The following DLGAP1 variants were observed in gnomAD, a reference collection of about 807,000 sequenced individuals.
The protein encoded by DLGAP1 is disks large-associated protein 1.
Under a neutral mutation model 90.8 loss-of-function variants are expected in DLGAP1, and 11 were observed. The ratio of observed to expected loss-of-function variants is 0.12; its 90% confidence interval spans 0.08 to 0.20. DLGAP1 has a LOEUF of 0.20. Ranked by LOEUF, DLGAP1 falls within the 10% of genes least tolerant of loss-of-function variation. The pLI is 1.00. For synonymous variants in DLGAP1, 558 were observed against 540.7 expected, an observed-to-expected ratio of 1.03 and a Z score of -0.44; for missense variants, 1,050 against 1,333.8, an observed-to-expected ratio of 0.79 and a Z score of 3.31.
chr18:3,744,072 A>G (rs2063168760), intron 5 of DLGAP1, among the ~76,000 whole-genome samples: 1 of 152,226 alleles, frequency 6.6e-6, no homozygotes, highest in Non-Finnish European at 1.5e-5. Flanking sequence ...GTTGATAGGG[A>G]AAAAGATGTA....
At chr18:3,978,924 G>A (rs1326439461) in intron 3 of DLGAP1, among the ~76,000 whole-genome samples, 1 of 152,164 alleles carries the variant, frequency 6.6e-6, no homozygotes. Context: ...CGTGGAAAGT[G>A]TACGTAGGTA....
chr18:3,733,703 C>T (rs2147519312), intron 6 of DLGAP1, among the ~76,000 whole-genome samples: 1 of 152,272 alleles, frequency 6.6e-6, no homozygotes, highest in South Asian at 2.1e-4. Context: ...TAGTACATTT[C>T]TCAGAATGTG....
intron 3 of DLGAP1, among the ~76,000 whole-genome samples, chr18:3,906,248 A>G (rs1055001536): frequency 6.6e-6 from 1 of 152,206 alleles, no homozygotes; most frequent in Non-Finnish European, 1.5e-5. Context: ...AGAAACCAGA[A>G]TGTCTTCACT....
At chr18:3,988,046 C>A (rs973935082) in intron 3 of DLGAP1, among the ~76,000 whole-genome samples, 1 of 151,992 alleles carries the variant, frequency 6.6e-6, no homozygotes, top group Admixed American at 6.6e-5. Flanking sequence ...AATAATTGTA[C>A]AACTCACCAT....
At chr18:3,740,880 C>T (rs1199195212) in intron 6 of DLGAP1, among the ~76,000 whole-genome samples, 2 of 149,416 alleles carry the variant, frequency 1.3e-5, no homozygotes, top group Non-Finnish European at 3.0e-5. Context: ...ACCACCGTCA[C>T]CATCACAACC....
intron 1 of DLGAP1, among the ~76,000 whole-genome samples, chr18:4,205,552 G>A (rs2144843567): frequency 6.6e-6 from 1 of 152,294 alleles, no homozygotes; most frequent in South Asian, 2.1e-4. Context: ...GCATGCAGTG[G>A]TGTGATCACA....
chr18:3,917,030 G>A (rs9962899), intron 3 of DLGAP1, among the ~76,000 whole-genome samples: 34,730 of 152,096 alleles, frequency 0.23, 5,163 homozygotes, highest in African/African-American at 0.43. Flanking sequence ...ATACTCAGCA[G>A]ATTACATGAG....
chr18:4,320,309 T>G (rs1454304185), intron 1 of DLGAP1, among the ~76,000 whole-genome samples: 1 of 152,178 alleles, frequency 6.6e-6, no homozygotes, highest in Non-Finnish European at 1.5e-5. Context: ...TGAGTTCCCT[T>G]TTTGTTTCTA....
intron 1 of DLGAP1, among the ~76,000 whole-genome samples, chr18:4,216,093 A>C (rs924403736): frequency 6.6e-6 from 1 of 152,156 alleles, no homozygotes; most frequent in African/African-American, 2.4e-5. Flanking sequence ...ATTGACTAAC[A>C]GTTCAGCATG....
chr18:4,362,079 AT>A (rs1470397852), intron 1 of DLGAP1, among the ~76,000 whole-genome samples: 7 of 152,198 alleles, frequency 4.6e-5, no homozygotes, highest in Non-Finnish European at 7.4e-5. Context: ...ATAACATAAA[AT>A]AACAAGTGTT....
intron 1 of DLGAP1, among the ~76,000 whole-genome samples, chr18:4,218,895 A>G (rs1445941847): frequency 6.6e-6 from 1 of 151,840 alleles, no homozygotes; most frequent in Non-Finnish European, 1.5e-5. Context: ...ACTTAGGTTG[A>G]TTCACATCCT....
At chr18:4,355,169 T>C (rs1440160831) in intron 1 of DLGAP1, among the ~76,000 whole-genome samples, 1 of 152,200 alleles carries the variant, frequency 6.6e-6, no homozygotes, top group Non-Finnish European at 1.5e-5. Flanking sequence ...CCCAAGAATC[T>C]GTACACAAAT....
At chr18:4,253,013 C>A (rs2078815149) in intron 1 of DLGAP1, among the ~76,000 whole-genome samples, 1 of 152,172 alleles carries the variant, frequency 6.6e-6, no homozygotes, top group African/African-American at 2.4e-5. Flanking sequence ...CAGTAGCTGG[C>A]ATTTGGAATC....
At chr18:4,136,398 TTTG>T (rs1735266945) in intron 2 of DLGAP1, among the ~76,000 whole-genome samples, 1 of 152,194 alleles carries the variant, frequency 6.6e-6, no homozygotes, top group Non-Finnish European at 1.5e-5. Flanking sequence ...CTCACCAGCA[TTTG>T]TTATTATCTG....
intron 1 of DLGAP1, among the ~76,000 whole-genome samples, chr18:4,382,728 T>C (rs933479136): frequency 6.6e-6 from 1 of 152,146 alleles, no homozygotes; most frequent in Non-Finnish European, 1.5e-5. Flanking sequence ...ATATGAAAAA[T>C]GAAACCTTTC....
chr18:4,030,818 A>T (rs572646056), intron 2 of DLGAP1, among the ~76,000 whole-genome samples: 1 of 152,278 alleles, frequency 6.6e-6, no homozygotes, highest in African/African-American at 2.4e-5. Flanking sequence ...GCTACTCAGG[A>T]GGCTGAGGTG....
At chr18:3,627,933 A>C (rs1330622795) in intron 7 of DLGAP1, among the ~76,000 whole-genome samples, 1 of 135,336 alleles carries the variant, frequency 7.4e-6, no homozygotes, top group Non-Finnish European at 1.5e-5. Flanking sequence ...GCCGGAGTGC[A>C]ATGGGGCGAT....
Position 3,729,018 on chromosome 18 carries a change from A to G in DLGAP1, c.1591+117T>C, listed in dbSNP as rs2062305719. 5 of 1,429,618 alleles carry G rather than the reference A, an allele frequency of 3.5e-6. No homozygotes were observed. The highest frequency in any genetic ancestry group is 1.4e-5 in the African/African-American group (1 of 70,614). The allele number at this position is 1,429,618 out of a possible 1,614,324, so 88.6% of individuals were successfully genotyped here. A position where few individuals can be genotyped will look rare whatever the true frequency, so the allele number is the denominator to read the frequency against. On this transcript the variant is annotated intron_variant, in intron 7 of 12. Transcript: ENST00000315677. The surrounding 1 kb of genome is among the most constrained non-coding windows in gnomAD (Gnocchi z 6.2). ...AAGGAAAACCTTTGGTTTGTAGGACATGGGTGGTATCTTGTTCCTGGCAAC... is the reference window on the plus strand; with the variant it reads ...AAGGAAAACCTTTGGTTTGTAGGACGTGGGTGGTATCTTGTTCCTGGCAAC...
intron 3 of DLGAP1, among the ~76,000 whole-genome samples, chr18:3,959,312 GCA>G (rs1292303813): frequency 1.3e-5 from 2 of 152,010 alleles, no homozygotes; most frequent in South Asian, 2.1e-4. Flanking sequence ...ACTCTCTTTT[GCA>G]CAGTTTTTCT....
Sources: allele counts gnomAD v4.1 joint callset (sites outside exome capture counted in the v4.1 genomes callset), GRCh38; gene constraint gnomAD v4.1.1; non-coding constraint Gnocchi (gnomAD v3.1); transcripts MANE v1.5; gene names NCBI Gene and HGNC (gene_info 2026-07-23, HGNC 2026-07-21).